SMYD3: variants seen among roughly 807,000 people sequenced by gnomAD.
SMYD3 encodes the protein histone-lysine N-methyltransferase SMYD3.
In SMYD3, 36 loss-of-function variants were observed where a neutral mutation model predicts 57.7. The ratio of observed to expected loss-of-function variants is 0.62; its 90% CI spans 0.48 to 0.82. SMYD3 has a LOEUF of 0.82. SMYD3 is among the 40% of genes least tolerant of loss of function. SMYD3 has a pLI of 0.00. For missense variants in SMYD3, 515 were observed against 538.8 expected (o/e 0.96, Z 0.44); for synonymous variants, 211 against 195.0 (o/e 1.08, Z -0.68).
chr1:245,899,823 A>G (rs1050921268), intron 8 of SMYD3, among the ~76,000 whole-genome samples: 12 of 152,180 alleles, frequency 7.9e-5, no homozygotes, highest in East Asian at 1.9e-4. Flanking sequence ...AAAGGCTGCA[A>G]TTCCCTCAAG....
chr1:245,927,465 A>C (rs1361215480), intron 7 of SMYD3, among the ~76,000 whole-genome samples: 2 of 152,354 alleles, frequency 1.3e-5, no homozygotes, highest in East Asian at 3.9e-4. Context: ...TGTTTGCTTT[A>C]CTAGCACAAA....
rs886811310 is a variant in SMYD3, at chr1:246,202,642, C to G, written c.531+124559G>C. 2.0e-5 allele frequency among the ~76,000 whole-genome samples: 3 copies of G among 152,204 alleles called. No individual in the cohort carries two copies. The highest frequency in any genetic ancestry group is 1.3e-4 in the Admixed American group (2 of 15,278). ...CAGAAATGCAATTCCTCCTTGAAAACAACAGTTCTTGACAACAAGGACTTC... is the reference window on the plus strand; with the variant it reads ...CAGAAATGCAATTCCTCCTTGAAAAGAACAGTTCTTGACAACAAGGACTTC... On this transcript the variant is annotated intron_variant, in intron 5 of 11. Coordinates refer to ENST00000490107, the MANE Select transcript of SMYD3 (RefSeq NM_001167740.2). The surrounding 1 kb of genome is among the most constrained non-coding windows in gnomAD (Gnocchi z 4.1).
chr1:246,185,523 G>A (rs1360066151), intron 5 of SMYD3, among the ~76,000 whole-genome samples: 2 of 140,122 alleles, frequency 1.4e-5, no homozygotes, highest in Admixed American at 7.4e-5. Flanking sequence ...GTGCAGTGGC[G>A]CGATCTCGGC....
chr1:246,183,715 A>C (rs1558296350), intron 5 of SMYD3, among the ~76,000 whole-genome samples: 4 of 152,208 alleles, frequency 2.6e-5, no homozygotes, highest in Non-Finnish European at 4.4e-5. Flanking sequence ...GAGATTTCCA[A>C]ACTGAATTTG....
At chr1:246,278,085 G>A (rs1236626332) in intron 5 of SMYD3, among the ~76,000 whole-genome samples, 6 of 152,140 alleles carry the variant, frequency 3.9e-5, no homozygotes, top group Non-Finnish European at 8.8e-5. Flanking sequence ...TAAAAGGTGA[G>A]TAAGGAGCTC....
chr1:246,325,003 A>G (rs2065316604), intron 5 of SMYD3, among the ~76,000 whole-genome samples: 1 of 98,720 alleles, frequency 1.0e-5, no homozygotes, highest in Non-Finnish European at 2.0e-5. Flanking sequence ...GGAAGGAGGG[A>G]GAAGGAGTCG....
intron 5 of SMYD3, chr1:246,326,061 TA>T: frequency 4.2e-6 from 1 of 240,252 alleles, no homozygotes; most frequent in Non-Finnish European, 7.9e-6. Context: ...AAATGTACCA[TA>T]CAGAATAAAA....
chr1:246,409,278 A>G (rs2066920830), intron 1 of SMYD3, among the ~76,000 whole-genome samples: 1 of 152,124 alleles, frequency 6.6e-6, no homozygotes. Context: ...GGTATTGCCT[A>G]GGTTTTCTTC....
chr1:246,000,294 C>T (rs774189136), intron 5 of SMYD3, among the ~76,000 whole-genome samples: 1 of 151,858 alleles, frequency 6.6e-6, no homozygotes, highest in African/African-American at 2.4e-5. Context: ...CGATAAGTGT[C>T]GGTTTTTTTC....
intron 5 of SMYD3, among the ~76,000 whole-genome samples, chr1:246,103,094 T>C (rs1452715303): frequency 6.6e-6 from 1 of 152,168 alleles, no homozygotes; most frequent in South Asian, 2.1e-4. Flanking sequence ...CATAATACAA[T>C]GATTCTTACA....
rs972818808 is a variant in SMYD3, at chr1:246,488,452, C to T, written c.164+18602G>A. 3.3e-5 allele frequency among the ~76,000 whole-genome samples: 5 copies of T among 152,146 alleles called. No individual in the cohort carries two copies. In the East Asian group the frequency reaches 5.8e-4, roughly 18 times the overall value. On this transcript the variant is annotated intron_variant, in intron 1 of 11. Coordinates refer to ENST00000490107, the MANE Select transcript of SMYD3 (RefSeq NM_001167740.2). Reference sequence around the variant, plus strand: ...TGCCTGTAATCCCACTTTGGGAGGCCGAGGCGGGCAGATCACCTGAGGTCT... The same window carrying T: ...TGCCTGTAATCCCACTTTGGGAGGCTGAGGCGGGCAGATCACCTGAGGTCT...
intron 2 of SMYD3, among the ~76,000 whole-genome samples, chr1:246,340,812 T>A (rs1284315727): frequency 2.0e-5 from 3 of 151,796 alleles, no homozygotes; most frequent in Non-Finnish European, 4.4e-5. Context: ...TAAAAAAAAA[T>A]TTTTTTTAGT....
chr1:246,298,686 G>A (rs1381188061), intron 5 of SMYD3, among the ~76,000 whole-genome samples: 1 of 151,950 alleles, frequency 6.6e-6, no homozygotes, highest in Non-Finnish European at 1.5e-5. Context: ...TCAAGAATAT[G>A]CAACACTCCC....
At chr1:245,782,491 G>C (rs1229177475) in intron 10 of SMYD3, among the ~76,000 whole-genome samples, 1 of 152,224 alleles carries the variant, frequency 6.6e-6, no homozygotes, top group Non-Finnish European at 1.5e-5. Context: ...TGACGGCATG[G>C]AAGTGGCAAA....
intron 1 of SMYD3, among the ~76,000 whole-genome samples, chr1:246,372,313 C>G (rs1417582708): frequency 1.3e-5 from 2 of 152,158 alleles, no homozygotes; most frequent in African/African-American, 4.8e-5. Flanking sequence ...CCTAAAATAC[C>G]ACTCAGATAT....
chr1:246,382,361 G>C (rs1361329185), intron 1 of SMYD3, among the ~76,000 whole-genome samples: 1 of 152,096 alleles, frequency 6.6e-6, no homozygotes, highest in Non-Finnish European at 1.5e-5. Context: ...CACAGCCCTA[G>C]ACTCCAGGCC....
At chr1:246,101,063 G>GTTTTTTTTTTT (rs1558228762) in intron 5 of SMYD3, among the ~76,000 whole-genome samples, 1 of 92,954 alleles carries the variant, frequency 1.1e-5, no homozygotes, top group Non-Finnish European at 2.6e-5. Context: ...TATTTTTAGG[G>GTTTTTTTTTTT]GTTTTTTGTT....
intron 10 of SMYD3, among the ~76,000 whole-genome samples, chr1:245,787,205 C>A (rs192559597): frequency 6.6e-6 from 1 of 152,174 alleles, no homozygotes; most frequent in African/African-American, 2.4e-5. Flanking sequence ...AGATTCTTAA[C>A]GCTTGTGCAA....
At chr1:246,273,141 T>TTTTTTTTTC (rs2064255389) in intron 5 of SMYD3, among the ~76,000 whole-genome samples, 1 of 133,586 alleles carries the variant, frequency 7.5e-6, no homozygotes, top group Non-Finnish European at 1.6e-5. Context: ...TTTTCTTTTT[T>TTTTTTTTTC]TTTTTTTTTT....
Sources: allele counts gnomAD v4.1 joint callset (sites outside exome capture counted in the v4.1 genomes callset), GRCh38; gene constraint gnomAD v4.1.1; non-coding constraint Gnocchi (gnomAD v3.1); transcripts MANE v1.5; gene names NCBI Gene and HGNC (gene_info 2026-07-23, HGNC 2026-07-21).